The following NRBP1 variants were observed in gnomAD, a reference collection of about 807,000 sequenced individuals.
The protein encoded by NRBP1 is nuclear receptor binding protein 1.
NRBP1 carries 10 observed loss-of-function variants against 76.0 expected under a neutral mutation model. The observed-to-expected ratio is 0.13, with a 90% CI of 0.08 to 0.22. NRBP1 has a LOEUF of 0.22. Ranked by LOEUF, NRBP1 falls within the 10% of genes least tolerant of loss-of-function variation. The pLI, the probability that NRBP1 is intolerant of heterozygous loss-of-function variation, is 1.00. For missense variants in NRBP1, 344 were observed against 646.0 expected (o/e 0.53, Z 5.07); for synonymous variants, 235 against 240.2 (o/e 0.98, Z 0.20).
At position 27,428,663 on chromosome 2, in the gene NRBP1, C is replaced by T; in HGVS notation, c.-89C>T. 3 of 398,062 alleles carry T rather than the reference C, an allele frequency of 7.5e-6. No homozygotes were observed. The highest frequency in any genetic ancestry group is 1.3e-5 in the Non-Finnish European group (3 of 225,700). The allele number at this position is 398,062 out of a possible 1,614,324, so 24.7% of individuals were successfully genotyped here. A position where few individuals can be genotyped will look rare whatever the true frequency, so the allele number is the denominator to read the frequency against. Reference sequence around the variant, plus strand: ...CTGCGGAGCGCAGCTGTGAGGGAGTCGCTGTGATCCGGGGCCCCGGAACCC... The same window carrying T: ...CTGCGGAGCGCAGCTGTGAGGGAGTTGCTGTGATCCGGGGCCCCGGAACCC... On this transcript the variant is annotated 5_prime_UTR_variant, in exon 1 of 18. Coordinates refer to ENST00000379852, the MANE Select transcript of NRBP1 (RefSeq NM_013392.4).
intron 7 of NRBP1, chr2:27,435,580 A>G: frequency 1.4e-6 from 1 of 692,746 alleles, no homozygotes; most frequent in Non-Finnish European, 2.7e-6. Flanking sequence ...TTTGCTGTGT[A>G]TTGTATGCAG....
At position 27,442,250 on chromosome 2, in the gene NRBP1, T is replaced by C. The variant is rs1664616708; in HGVS notation, c.*438T>C. ...TTGCTGCTGTAATAAAAGTCTACTTTTTGCTAAAAGCGTCGTGTGTTCGCG... is the reference window on the plus strand; with the variant it reads ...TTGCTGCTGTAATAAAAGTCTACTTCTTGCTAAAAGCGTCGTGTGTTCGCG... On this transcript the variant is annotated 3_prime_UTR_variant, in exon 18 of 18. Coordinates refer to ENST00000379852, the MANE Select transcript of NRBP1 (RefSeq NM_013392.4). 9.3e-6 allele frequency: 6 copies of C among 645,610 alleles called. No homozygotes were observed. The allele number at this position is 645,610 out of a possible 1,614,324, so 40.0% of individuals were successfully genotyped here. A position where few individuals can be genotyped will look rare whatever the true frequency, so the allele number is the denominator to read the frequency against.
upstream of NRBP1, chr2:27,427,812 G>A (rs1663926693): frequency 6.6e-6 from 1 of 152,170 alleles, no homozygotes; most frequent in Admixed American, 6.5e-5. Context: ...TAAGGGCAGA[G>A]TGAACTTCCA....
intron 11 of NRBP1, 69 bp from the exon 12 acceptor site, chr2:27,440,334 C>A: frequency 9.2e-7 from 1 of 1,083,672 alleles, no homozygotes. Context: ...TACCCCTTTG[C>A]CTGCATGCCT....
In NRBP1 at chr2:27,434,164, A is replaced by G. The variant is rs889342441; in HGVS notation, c.435+74A>G. The G allele has an allele frequency of 1.2e-5, 14 of 1,196,396 alleles. No individual in the cohort carries two copies. The Admixed American group carries it at 2.3e-4, about 19-fold the overall frequency. 74.1% of individuals were successfully genotyped at this position (1,196,396 alleles called of 1,614,324 possible). On this transcript the variant is annotated intron_variant, in intron 4 of 17. Coordinates refer to ENST00000379852, the MANE Select transcript of NRBP1 (RefSeq NM_013392.4). Reference sequence around the variant, plus strand: ...CTACATTTATTATTGTTCCTTTTACACTCAGAGATTAAAACAAGGTAGTTT... The same window carrying G: ...CTACATTTATTATTGTTCCTTTTACGCTCAGAGATTAAAACAAGGTAGTTT...
intron 7 of NRBP1, 115 bp from the exon 8 acceptor site, chr2:27,436,638 G>C: frequency 1.2e-6 from 1 of 803,910 alleles, no homozygotes; most frequent in Non-Finnish European, 2.2e-6. Flanking sequence ...TGTGCCTGTT[G>C]AGGGTCATCA....
chr2:27,428,487 G>C (rs1663950986), upstream of NRBP1: 5 of 394,594 alleles, frequency 1.3e-5, no homozygotes, highest in East Asian at 1.8e-4. Flanking sequence ...CGGCGCAAGG[G>C]GAGGAGAGCG....
chr2:27,431,158 G>A (rs1313018478), intron 1 of NRBP1, among the ~76,000 whole-genome samples: 1 of 152,118 alleles, frequency 6.6e-6, no homozygotes, highest in African/African-American at 2.4e-5. Flanking sequence ...AAATTAGCTG[G>A]GTGTGGTGGC....
intron 7 of NRBP1, 109 bp from the exon 8 acceptor site, chr2:27,436,644 C>T: frequency 1.2e-6 from 1 of 843,202 alleles, no homozygotes; most frequent in Admixed American, 1.9e-5. Context: ...TGTTGAGGGT[C>T]ATCAGAAAGG....
chr2:27,434,893 G>T, intron 6 of NRBP1, 131 bp downstream of exon 6: 1 of 950,828 alleles, frequency 1.1e-6, no homozygotes, highest in East Asian at 2.5e-5. Flanking sequence ...GTCAAGATTA[G>T]GGCCCCTACG....
At position 27,440,704 on chromosome 2, in the gene NRBP1, T is replaced by TGA. The variant is rs765543900; in HGVS notation, c.1193+6_1193+7dup. 5 of 1,614,062 alleles carry TGA rather than the reference T, an allele frequency of 3.1e-6. No homozygotes were observed. The South Asian group carries it at 5.5e-5, about 18-fold the overall frequency. ...AGATAAATTCCTTGAAGATGTCAGG[T>TGA]GAGAGCAGAGTGAGAAGCAGGCTTT... On this transcript the variant is annotated splice_region_variant and intron_variant, in intron 13 of 17. Transcript: ENST00000379852.
intron 11 of NRBP1, 97 bp downstream of exon 11, chr2:27,439,995 CTTTTTT>C (rs70953859): frequency 7.2e-5 from 33 of 459,758 alleles, no homozygotes; most frequent in South Asian, 4.1e-4. Context: ...CAAAGGGATT[CTTTTTT>C]TTTTTTTTTT....
chr2:27,441,694 CTCT>C lies in NRBP1; in HGVS notation c.1504-10_1504-8del. 6.2e-7 allele frequency: 1 copy of C among 1,611,896 alleles called. No individual in the cohort carries two copies. Among genetic ancestry groups the C allele is most frequent in the Non-Finnish European group, 8.5e-7 (1 of 1,178,004 alleles). On this transcript the variant is annotated splice_polypyrimidine_tract_variant and intron_variant, in intron 17 of 17. Coordinates refer to ENST00000379852, the MANE Select transcript of NRBP1 (RefSeq NM_013392.4). ...TTCTCTCAGCCCCCATCTTACTGAG[CTCT>C]TCTCCCCCAGGCTGACCAGAGCCGG...
intron 10 of NRBP1, among the ~76,000 whole-genome samples, chr2:27,437,848 G>A (rs561039145): frequency 2.0e-5 from 3 of 151,406 alleles, no homozygotes; most frequent in Admixed American, 2.0e-4. Flanking sequence ...ACTCCAGCCT[G>A]GGCGACACAG....
At chr2:27,429,490 A>G (rs763412799) in intron 1 of NRBP1, 1 of 151,712 alleles carries the variant, frequency 6.6e-6, no homozygotes, top group African/African-American at 2.4e-5. Flanking sequence ...CATTACTCCA[A>G]AGTGAACACA....
intron 1 of NRBP1, among the ~76,000 whole-genome samples, chr2:27,432,729 C>T (rs1664154844): frequency 6.6e-6 from 1 of 151,588 alleles, no homozygotes; most frequent in East Asian, 1.9e-4. Context: ...CTGTGTACCA[C>T]CTTGCCCTGC....
intron 11 of NRBP1, 200 bp from the exon 12 acceptor site, chr2:27,440,203 G>A (rs1046626476): frequency 7.0e-6 from 4 of 568,952 alleles, no homozygotes; most frequent in Non-Finnish European, 1.3e-5. Context: ...GTAGAGATGG[G>A]GTTTCGCCAT....
Position 27,441,922 on chromosome 2 carries a change from T to G in NRBP1, c.*110T>G. Reference sequence around the variant, plus strand: ...TTACCCTGTGAAGCCCCTTCCCTCCTTTATTATTCAGGAGGGCTGGGGGGG... The same window carrying G: ...TTACCCTGTGAAGCCCCTTCCCTCCGTTATTATTCAGGAGGGCTGGGGGGG... On this transcript the variant is annotated 3_prime_UTR_variant, in exon 18 of 18. Transcript: ENST00000379852. 1 of 707,306 alleles carries G rather than the reference T, an allele frequency of 1.4e-6. No homozygotes were observed. The highest frequency in any genetic ancestry group is 2.5e-6 in the Non-Finnish European group (1 of 403,104). The allele number at this position is 707,306 out of a possible 1,614,324, so 43.8% of individuals were successfully genotyped here. A position where few individuals can be genotyped will look rare whatever the true frequency, so the allele number is the denominator to read the frequency against.
chr2:27,430,469 C>CTTTTTTTTTTTTTTTT (rs977927783), intron 1 of NRBP1, among the ~76,000 whole-genome samples: 2 of 138,686 alleles, frequency 1.4e-5, no homozygotes, highest in South Asian at 2.2e-4. Context: ...TTCTTTTTTT[C>CTTTTTTTTTTTTTTTT]TTTTTTTTTT....
Sources: gnomAD v4.1 joint callset for allele counts (sites outside exome capture counted in the v4.1 genomes callset) on GRCh38, gnomAD v4.1.1 for gene constraint, MANE v1.5 for transcripts, NCBI Gene and HGNC (gene_info 2026-07-23, HGNC 2026-07-21) for gene names.